SYTL3: variants seen among roughly 807,000 people sequenced by gnomAD.
SYTL3 encodes the protein synaptotagmin-like protein 3.
Under a neutral mutation model 82.1 loss-of-function variants are expected in SYTL3, and 88 were observed. The ratio of observed to expected loss-of-function variants is 1.07; its 90% CI spans 0.90 to 1.28. The LOEUF (loss-of-function observed/expected upper bound fraction) is 1.28, where lower values mean the gene tolerates loss of function less well. Among genes scored for constraint, SYTL3 ranks in the 50% most tolerant of loss-of-function variants. The pLI, the probability that SYTL3 is intolerant of heterozygous loss-of-function variation, is 0.00. For synonymous variants in SYTL3, 311 were observed against 289.4 expected, an observed-to-expected ratio of 1.07 and a Z score of -0.76; for missense variants, 831 against 757.6, an observed-to-expected ratio of 1.10 and a Z score of -1.14.
At chr6:158,715,599 T>TCACACACACA (rs72372107) in intron 9 of SYTL3, among the ~76,000 whole-genome samples, 6,597 of 116,362 alleles carry the variant, frequency 0.057, 501 homozygotes, top group African/African-American at 0.16. Context: ...TGAAACCGCA[T>TCACACACACA]CACACACACA....
chr6:158,651,513 GGGAGGT>G (rs1554235534), intron 1 of SYTL3, among the ~76,000 whole-genome samples: 1 of 152,048 alleles, frequency 6.6e-6, no homozygotes, highest in Non-Finnish European at 1.5e-5. Flanking sequence ...GCTTGAACCC[GGGAGGT>G]GGAGGTTGCA....
At chr6:158,744,283 GTTTTTTTTTTCTTTTTCTTTCTTTT>G (rs1393060357) in intron 11 of SYTL3, among the ~76,000 whole-genome samples, 3 of 121,534 alleles carry the variant, frequency 2.5e-5, no homozygotes, top group South Asian at 5.8e-4. Flanking sequence ...CCCCAGGCTT[GTTTTTTTTTTCTTTTTCTTTCTTTT>G]TTTTTTTTTT....
intron 6 of SYTL3, among the ~76,000 whole-genome samples, chr6:158,698,522 T>A (rs1416195199): frequency 6.6e-6 from 1 of 152,142 alleles, no homozygotes; most frequent in Non-Finnish European, 1.5e-5. Flanking sequence ...ATTTTGAATA[T>A]GTGAACTATA....
chr6:158,724,643 G>C lies in SYTL3; in HGVS notation c.721-860G>C, dbSNP rs1307155379. Among the ~76,000 whole-genome samples the C allele has an allele frequency of 2.0e-5, 3 of 152,352 alleles. No homozygotes were observed. In the East Asian group the frequency reaches 5.8e-4, roughly 29 times the overall value. Reference sequence around the variant, plus strand: ...CTAGCGCAACTGAGAAGTTAAGTTTGTTTGATTTCAATTAATTTAAGTAGT... The same window carrying C: ...CTAGCGCAACTGAGAAGTTAAGTTTCTTTGATTTCAATTAATTTAAGTAGT... On this transcript the variant is annotated intron_variant, in intron 10 of 17. Coordinates refer to ENST00000611299, the MANE Select transcript of SYTL3 (RefSeq NM_001242394.2).
Position 158,718,219 on chromosome 6 carries a change from G to C in SYTL3, c.720+8G>C. 1 of 1,521,780 alleles carries C rather than the reference G, an allele frequency of 6.6e-7. No individual in the cohort carries two copies. The highest frequency in any genetic ancestry group is 2.5e-5 in the East Asian group (1 of 39,256). 94.3% of individuals were successfully genotyped at this position (1,521,780 alleles called of 1,614,324 possible). A position where few individuals can be genotyped will look rare whatever the true frequency, so the allele number is the denominator to read the frequency against. Reference sequence around the variant, plus strand: ...GTCAACGTCACCACCAGGGTACCCTGAGCCCCACAAGGCCTCCACGCTGAT... The same window carrying C: ...GTCAACGTCACCACCAGGGTACCCTCAGCCCCACAAGGCCTCCACGCTGAT... On this transcript the variant is annotated splice_region_variant and intron_variant, in intron 10 of 17. Transcript: ENST00000611299.
At chr6:158,689,385 TTGAG>T (rs1240049752) in intron 6 of SYTL3, among the ~76,000 whole-genome samples, 5 of 152,218 alleles carry the variant, frequency 3.3e-5, no homozygotes, top group East Asian at 1.9e-4. Context: ...ACGAATAAGA[TTGAG>T]TATCTTCCAC....
At chr6:158,665,324 G>C in intron 4 of SYTL3, 71 bp from the exon 5 acceptor site, 2 of 1,440,392 alleles carry the variant, frequency 1.4e-6, no homozygotes, top group Non-Finnish European at 1.9e-6. Flanking sequence ...GTTACTGCCT[G>C]GGCTCTTGCC....
Position 158,663,082 on chromosome 6 carries a change from C to A in SYTL3, c.-187C>A. On this transcript the variant is annotated 5_prime_UTR_variant, in exon 4 of 18. Transcript: ENST00000611299. ...CAGAACTTCTTGAGGCTTTCTTCTT[C>A]TAAGGAGTATGACACAGTTAAAAAG... 1.9e-6 allele frequency: 1 copy of A among 539,136 alleles called. No homozygotes were observed. Among genetic ancestry groups the A allele is most frequent in the Non-Finnish European group, 3.3e-6 (1 of 303,982 alleles). The allele number at this position is 539,136 out of a possible 1,614,324, so 33.4% of individuals were successfully genotyped here. A position where few individuals can be genotyped will look rare whatever the true frequency, so the allele number is the denominator to read the frequency against.
At chr6:158,753,572 T>C (rs577680282) in intron 13 of SYTL3, among the ~76,000 whole-genome samples, 1 of 151,412 alleles carries the variant, frequency 6.6e-6, no homozygotes, top group African/African-American at 2.4e-5. Context: ...CTACTAAAAA[T>C]ACAAAAAATT....
chr6:158,735,642 A>C (rs1251347227), intron 11 of SYTL3, among the ~76,000 whole-genome samples: 2 of 152,236 alleles, frequency 1.3e-5, no homozygotes, highest in African/African-American at 4.8e-5. Context: ...ACAAAAAACA[A>C]AAAACCCAGC....
chr6:158,725,511 T>C lies in SYTL3; in HGVS notation c.729T>C (p.Ser243=), dbSNP rs202238226. The C allele has an allele frequency of 1.3e-4, 212 of 1,614,078 alleles. No individual in the cohort carries two copies. In the East Asian group the frequency reaches 2.8e-3, roughly 21 times the overall value. The change falls in exon 11 of 18, where the codon AGT becomes AGC. Residue 243 remains serine (S), a synonymous_variant. Coordinates refer to ENST00000611299, the MANE Select transcript of SYTL3 (RefSeq NM_001242394.2). The part of the protein sequence containing the change: ...TAVNVTTRKV[S]APDILKPLNQ... ...TGTTTTTCCTTCTCCAGAAGGTCAG[T>C]GCACCAGATATTCTGAAACCTCTCA...
At chr6:158,645,446 T>A (rs1583083311), upstream of SYTL3, among the ~76,000 whole-genome samples, 1 of 152,152 alleles carries the variant, frequency 6.6e-6, no homozygotes, top group African/African-American at 2.4e-5. Context: ...TATTGGCAGG[T>A]ATTCTGAGGC....
At chr6:158,719,831 G>A (rs765519193) in intron 10 of SYTL3, among the ~76,000 whole-genome samples, 1 of 152,010 alleles carries the variant, frequency 6.6e-6, no homozygotes, top group African/African-American at 2.4e-5. Flanking sequence ...GGCTCATGCC[G>A]GTAATCCCAG....
intron 6 of SYTL3, among the ~76,000 whole-genome samples, 156 bp downstream of exon 6, chr6:158,683,145 A>ACGCTGCTCATTCCCTCTGCT (rs1778906204): frequency 6.7e-6 from 1 of 148,950 alleles, no homozygotes; most frequent in Non-Finnish European, 1.5e-5. Context: ...ACTGTAATTC[A>ACGCTGCTCATTCCCTCTGCT]CGCTGCTCAT....
chr6:158,756,662 AG>A (rs576317341), intron 13 of SYTL3, among the ~76,000 whole-genome samples: 145 of 149,336 alleles, frequency 9.7e-4, no homozygotes, highest in Non-Finnish European at 1.7e-3. Context: ...CAGTGAGCCA[AG>A]ATCGTGCCAC....
intron 6 of SYTL3, among the ~76,000 whole-genome samples, chr6:158,683,850 G>A (rs372262860): frequency 3.3e-5 from 5 of 152,312 alleles, no homozygotes; most frequent in South Asian, 4.1e-4. Flanking sequence ...TGGAGTGAGC[G>A]CATGTTGCGG....
rs76199199 is a variant in SYTL3, at chr6:158,658,645, C to T, written c.-636-2624C>T. The stretch of plus-strand genomic sequence containing the variant: ...AAAGTTAAACAGAAGAGTACGTCGG[C>T]CAGGCGCGGTAGCTCACGCCTATAA... On this transcript the variant is annotated intron_variant, in intron 2 of 17. Coordinates refer to ENST00000611299, the MANE Select transcript of SYTL3 (RefSeq NM_001242394.2). Among the ~76,000 whole-genome samples, 854 of 152,250 alleles carry T rather than the reference C, an allele frequency of 5.6e-3. 7 individuals are homozygous for T. Among genetic ancestry groups the T allele is most frequent in the Non-Finnish European group, 7.0e-3 (479 of 68,026 alleles).
intron 5 of SYTL3, among the ~76,000 whole-genome samples, chr6:158,678,643 C>T (rs942199334): frequency 3.3e-5 from 5 of 152,152 alleles, no homozygotes; most frequent in Non-Finnish European, 7.4e-5. Flanking sequence ...AAAATGGATG[C>T]TGAAAACCCC....
chr6:158,669,877 G>A (rs772833537), intron 5 of SYTL3, among the ~76,000 whole-genome samples: 33 of 152,232 alleles, frequency 2.2e-4, no homozygotes, highest in Non-Finnish European at 4.4e-4. Context: ...CCAAGCGGGA[G>A]GATCACATAA....
Sources: allele counts gnomAD v4.1 joint callset (sites outside exome capture counted in the v4.1 genomes callset), GRCh38; gene constraint gnomAD v4.1.1; transcripts MANE v1.5; gene names NCBI Gene and HGNC (gene_info 2026-07-23, HGNC 2026-07-21).